Variants in SLC25A33 observed in about 807,000 individuals in gnomAD.
SLC25A33 encodes the protein bone marrow stromal cell mitochondrial carrier protein.
SLC25A33 carries 15 observed loss-of-function variants against 35.5 expected under a neutral mutation model. That is an observed-to-expected ratio of 0.42 (90% CI 0.28 to 0.65). The LOEUF is 0.65. Ranked by LOEUF, SLC25A33 falls within the 30% of genes least tolerant of loss-of-function variation. The pLI, the probability that SLC25A33 is intolerant of heterozygous loss-of-function variation, is 0.20. For missense variants in SLC25A33, 257 were observed against 398.5 expected (o/e 0.64, Z 3.02); for synonymous variants, 136 against 148.7 (o/e 0.91, Z 0.62).
intron 3 of SLC25A33, 94 bp downstream of exon 3, chr1:9,567,455 C>T: frequency 1.7e-6 from 2 of 1,170,550 alleles, no homozygotes; most frequent in Non-Finnish European, 2.5e-6. Flanking sequence ...TGACCAGTGT[C>T]TTTTTCTATG....
At chr1:9,580,354 G>C (rs942789359) in intron 6 of SLC25A33, 120 bp downstream of exon 6, 1 of 1,276,066 alleles carries the variant, frequency 7.8e-7, no homozygotes, top group African/African-American at 1.5e-5. Flanking sequence ...TAAGGTCAGT[G>C]AGTATGAGGG....
intron 5 of SLC25A33, chr1:9,576,803 G>GTGT (rs1643667190): frequency 8.1e-7 from 1 of 1,228,950 alleles, no homozygotes; most frequent in Non-Finnish European, 1.2e-6. Flanking sequence ...ATGAGACCAG[G>GTGT]TGTTGCTTGT....
At chr1:9,544,832 T>G (rs760907959) in intron 1 of SLC25A33, among the ~76,000 whole-genome samples, 1 of 152,180 alleles carries the variant, frequency 6.6e-6, no homozygotes, top group Non-Finnish European at 1.5e-5. Context: ...CCGATATGCA[T>G]GTATGCATAG....
At chr1:9,550,015 T>A (rs371553979) in intron 1 of SLC25A33, among the ~76,000 whole-genome samples, 1,415 of 70,718 alleles carry the variant, frequency 0.02, 60 homozygotes, top group African/African-American at 0.078. Flanking sequence ...ATATATATTT[T>A]TTTTTTTTTT....
intron 1 of SLC25A33, among the ~76,000 whole-genome samples, chr1:9,550,012 T>TATATATATATACACATA (rs55887722): frequency 8.9e-5 from 3 of 33,834 alleles, no homozygotes; most frequent in African/African-American, 2.6e-4. Flanking sequence ...TATATATATA[T>TATATATATATACACATA]TTTTTTTTTT....
chr1:9,580,386 C>A, intron 6 of SLC25A33, 152 bp downstream of exon 6: 3 of 992,120 alleles, frequency 3.0e-6, no homozygotes, highest in Non-Finnish European at 4.4e-6. Context: ...ACCGCATGGA[C>A]AGAGGTCACG....
At chr1:9,572,918 A>AG (rs1177013268) in intron 4 of SLC25A33, among the ~76,000 whole-genome samples, 2 of 151,342 alleles carry the variant, frequency 1.3e-5, no homozygotes, top group Non-Finnish European at 1.5e-5. Context: ...AAAAAAAAAA[A>AG]TTTTTTTAAA....
At chr1:9,549,266 G>A (rs1643225414) in intron 1 of SLC25A33, among the ~76,000 whole-genome samples, 1 of 151,508 alleles carries the variant, frequency 6.6e-6, no homozygotes, top group African/African-American at 2.4e-5. Context: ...AGTTCTGCCT[G>A]CAAGCTCCCC....
intron 1 of SLC25A33, among the ~76,000 whole-genome samples, chr1:9,549,674 G>A (rs1306866821): frequency 6.7e-6 from 1 of 148,708 alleles, no homozygotes; most frequent in Non-Finnish European, 1.5e-5. Context: ...AGGCTGGAGT[G>A]CAGTTATGCG....
intron 2 of SLC25A33, among the ~76,000 whole-genome samples, chr1:9,564,178 G>A (rs557113900): frequency 2.0e-5 from 3 of 152,218 alleles, no homozygotes; most frequent in East Asian, 1.9e-4. Context: ...GTGTTGCTGC[G>A]GAAAAATGCC....
intron 2 of SLC25A33, among the ~76,000 whole-genome samples, chr1:9,566,219 T>C (rs752248959): frequency 2.6e-5 from 4 of 152,110 alleles, no homozygotes; most frequent in Non-Finnish European, 4.4e-5. Flanking sequence ...TTTTCATTTT[T>C]TGTATAGATG....
chr1:9,567,487 G>A (rs560832261), intron 3 of SLC25A33, 126 bp downstream of exon 3: 29 of 770,534 alleles, frequency 3.8e-5, no homozygotes, highest in South Asian at 1.9e-4. Context: ...TAAATATAGC[G>A]GACATAGCAA....
chr1:9,567,078 T>C (rs1643518571), intron 2 of SLC25A33, among the ~76,000 whole-genome samples: 1 of 152,290 alleles, frequency 6.6e-6, no homozygotes, highest in South Asian at 2.1e-4. Context: ...CTGATGCTTT[T>C]TGAGGCATGT....
At chr1:9,570,909 C>T (rs1643581156) in intron 4 of SLC25A33, among the ~76,000 whole-genome samples, 1 of 152,016 alleles carries the variant, frequency 6.6e-6, no homozygotes, top group Non-Finnish European at 1.5e-5. Flanking sequence ...GACGAGGTTT[C>T]ACCACATTGC....
intron 4 of SLC25A33, among the ~76,000 whole-genome samples, chr1:9,572,575 G>A (rs991588913): frequency 6.6e-6 from 1 of 151,948 alleles, no homozygotes; most frequent in Non-Finnish European, 1.5e-5. Flanking sequence ...CCGAGATCGC[G>A]CCACTGCACT....
At chr1:9,550,007 A>ATT (rs1292708985) in intron 1 of SLC25A33, among the ~76,000 whole-genome samples, 6 of 55,196 alleles carry the variant, frequency 1.1e-4, no homozygotes, top group Admixed American at 4.8e-4. Flanking sequence ...ATATATATAT[A>ATT]TATATTTTTT....
At chr1:9,550,266 C>T (rs1393360007) in intron 1 of SLC25A33, among the ~76,000 whole-genome samples, 2 of 150,794 alleles carry the variant, frequency 1.3e-5, no homozygotes, top group Non-Finnish European at 2.9e-5. Flanking sequence ...GGCCTGCCAC[C>T]TTGAAAGAGG....
At chr1:9,562,842 A>G (rs1370528583) in intron 2 of SLC25A33, among the ~76,000 whole-genome samples, 1 of 151,390 alleles carries the variant, frequency 6.6e-6, no homozygotes, top group African/African-American at 2.4e-5. Flanking sequence ...AACAAGAGCA[A>G]AAACTCCGTT....
chr1:9,573,952 GT>G (rs558569928), intron 5 of SLC25A33, among the ~76,000 whole-genome samples: 23 of 151,838 alleles, frequency 1.5e-4, no homozygotes, highest in African/African-American at 5.6e-4. Context: ...GAATAATGTT[GT>G]TTTTTGAGTT....
Sources: gnomAD v4.1 joint callset for allele counts (sites outside exome capture counted in the v4.1 genomes callset) on GRCh38, gnomAD v4.1.1 for gene constraint, MANE v1.5 for transcripts, NCBI Gene and HGNC (gene_info 2026-07-23, HGNC 2026-07-21) for gene names.